The following ST6GALNAC3 variants were observed in gnomAD, a reference collection of about 807,000 sequenced individuals.
ST6GALNAC3 encodes the protein alpha-N-acetylgalactosaminide alpha-2,6-sialyltransferase 3.
In ST6GALNAC3, 25 loss-of-function variants were observed where a neutral mutation model predicts 32.7. That is an observed-to-expected ratio of 0.76 (90% confidence interval 0.56 to 1.07). The LOEUF is 1.07. Ranked by LOEUF, ST6GALNAC3 falls within the 50% of genes least tolerant of loss-of-function variation. The pLI is 0.00. For missense variants in ST6GALNAC3, 355 were observed against 382.4 expected (o/e 0.93, Z 0.60); for synonymous variants, 129 against 133.1 (o/e 0.97, Z 0.21).
intron 3 of ST6GALNAC3, among the ~76,000 whole-genome samples, chr1:76,496,288 C>G (rs1375980221): frequency 6.6e-6 from 1 of 152,128 alleles, no homozygotes; most frequent in African/African-American, 2.4e-5. Context: ...AGTTATCACA[C>G]GCCAGTGATT....
chr1:76,170,899 C>T (rs1301770085), intron 1 of ST6GALNAC3, among the ~76,000 whole-genome samples: 2 of 152,106 alleles, frequency 1.3e-5, no homozygotes, highest in Non-Finnish European at 2.9e-5. Flanking sequence ...AGTTTTTAAA[C>T]ATTTTCCAAG....
At chr1:76,232,485 G>A (rs568038497) in intron 1 of ST6GALNAC3, among the ~76,000 whole-genome samples, 2 of 152,176 alleles carry the variant, frequency 1.3e-5, no homozygotes, top group African/African-American at 4.8e-5. Context: ...TTCCACTCAG[G>A]TGGGACCAAG....
intron 3 of ST6GALNAC3, among the ~76,000 whole-genome samples, chr1:76,416,929 A>G (rs1654683230): frequency 6.6e-6 from 1 of 151,872 alleles, no homozygotes; most frequent in Admixed American, 6.6e-5. Flanking sequence ...CCCGGCCAGC[A>G]TTGTGTTTTT....
chr1:76,116,975 T>A (rs1648523711), intron 1 of ST6GALNAC3, among the ~76,000 whole-genome samples: 1 of 152,032 alleles, frequency 6.6e-6, no homozygotes, highest in Non-Finnish European at 1.5e-5. Flanking sequence ...CAAGCAGAGA[T>A]AGGATATTCC....
At chr1:76,516,115 T>G (rs1218673790) in intron 3 of ST6GALNAC3, among the ~76,000 whole-genome samples, 1 of 152,192 alleles carries the variant, frequency 6.6e-6, no homozygotes, top group Admixed American at 6.5e-5. Context: ...TGGATGGGCA[T>G]GCATATGCTG....
chr1:76,453,290 A>T, intron 3 of ST6GALNAC3, among the ~76,000 whole-genome samples: 1 of 150,642 alleles, frequency 6.6e-6, no homozygotes. Flanking sequence ...TTCTGTTTGG[A>T]TCTTGGTTAT....
intron 3 of ST6GALNAC3, among the ~76,000 whole-genome samples, chr1:76,475,643 T>G (rs1429751910): frequency 6.6e-6 from 1 of 152,186 alleles, no homozygotes; most frequent in Non-Finnish European, 1.5e-5. Flanking sequence ...CAAGTGTCAT[T>G]AAGATTTCTC....
At chr1:76,599,656 A>C (rs1647189784) in intron 3 of ST6GALNAC3, among the ~76,000 whole-genome samples, 1 of 151,966 alleles carries the variant, frequency 6.6e-6, no homozygotes, top group Admixed American at 6.6e-5. Flanking sequence ...AATACCTGGA[A>C]TATCCAAGTA....
chr1:76,322,910 G>T (rs560392139), intron 2 of ST6GALNAC3, among the ~76,000 whole-genome samples: 1 of 151,918 alleles, frequency 6.6e-6, no homozygotes, highest in African/African-American at 2.4e-5. Flanking sequence ...GCACGATCTC[G>T]GCTCACTGCA....
intron 1 of ST6GALNAC3, among the ~76,000 whole-genome samples, chr1:76,092,028 G>A (rs1647053710): frequency 6.6e-6 from 1 of 152,180 alleles, no homozygotes; most frequent in Admixed American, 6.5e-5. Flanking sequence ...CAGAGAGTTA[G>A]GAGATCCTTC....
chr1:76,187,938 T>C (rs958859999), intron 1 of ST6GALNAC3, among the ~76,000 whole-genome samples: 3 of 152,154 alleles, frequency 2.0e-5, no homozygotes, highest in African/African-American at 7.2e-5. Context: ...TTGGATTTTG[T>C]TTTTGTTTTT....
chr1:76,229,501 C>T (rs987335493), intron 1 of ST6GALNAC3, among the ~76,000 whole-genome samples: 10 of 152,158 alleles, frequency 6.6e-5, no homozygotes, highest in Non-Finnish European at 1.2e-4. Flanking sequence ...TTTGTGTCTC[C>T]GCCAAAATGC....
At chr1:76,505,390 G>A (rs1661421615) in intron 3 of ST6GALNAC3, among the ~76,000 whole-genome samples, 1 of 152,120 alleles carries the variant, frequency 6.6e-6, no homozygotes, top group African/African-American at 2.4e-5. Context: ...CCAAAGTGCT[G>A]GGATTACAGG....
chr1:76,394,834 G>A (rs1652823382), intron 2 of ST6GALNAC3, among the ~76,000 whole-genome samples: 2 of 152,214 alleles, frequency 1.3e-5, no homozygotes, highest in Middle Eastern at 3.4e-3. Flanking sequence ...GGCAGAGGGG[G>A]GCTGTGATAA....
intron 3 of ST6GALNAC3, among the ~76,000 whole-genome samples, chr1:76,552,670 C>T (rs1664704903): frequency 6.6e-6 from 1 of 152,082 alleles, no homozygotes; most frequent in Non-Finnish European, 1.5e-5. Context: ...TGTAAACAAA[C>T]CATTTATGCT....
At chr1:76,464,544 A>G (rs561688096) in intron 3 of ST6GALNAC3, among the ~76,000 whole-genome samples, 9 of 152,304 alleles carry the variant, frequency 5.9e-5, no homozygotes, top group African/African-American at 2.2e-4. Flanking sequence ...GTTGACCACC[A>G]GTCCCCACTT....
At chr1:76,163,781 C>T (rs534070888) in intron 1 of ST6GALNAC3, among the ~76,000 whole-genome samples, 1 of 152,206 alleles carries the variant, frequency 6.6e-6, no homozygotes, top group South Asian at 2.1e-4. Flanking sequence ...ATTCATTTGT[C>T]CACAATTCAT....
intron 1 of ST6GALNAC3, among the ~76,000 whole-genome samples, chr1:76,108,116 T>C (rs1647664650): frequency 6.6e-6 from 1 of 152,188 alleles, no homozygotes; most frequent in African/African-American, 2.4e-5. Flanking sequence ...GTAATAATGG[T>C]CTGGCACCAC....
intron 3 of ST6GALNAC3, among the ~76,000 whole-genome samples, chr1:76,539,936 A>C (rs191249602): frequency 2.0e-4 from 30 of 152,326 alleles, no homozygotes; most frequent in African/African-American, 6.5e-4. Flanking sequence ...ACCACTGTGG[A>C]AGACAGTATG....
Sources: allele counts gnomAD v4.1 joint callset (sites outside exome capture counted in the v4.1 genomes callset), GRCh38; gene constraint gnomAD v4.1.1; transcripts MANE v1.5; gene names NCBI Gene and HGNC (gene_info 2026-07-23, HGNC 2026-07-21).